GRID2: variants seen among roughly 807,000 people sequenced by gnomAD.
GRID2 encodes glutamate receptor ionotropic, delta-2.
In GRID2, 33 loss-of-function variants were observed where a neutral mutation model predicts 114.8. That is an observed-to-expected ratio of 0.29 (90% CI 0.22 to 0.38). The LOEUF (loss-of-function observed/expected upper bound fraction) is 0.38, where lower values mean the gene tolerates loss of function less well. Ranked by LOEUF, GRID2 falls within the 10% of genes least tolerant of loss-of-function variation. GRID2 has a pLI of 1.00. For missense variants in GRID2, 1,184 were observed against 1,257.7 expected (o/e 0.94, Z 0.89); for synonymous variants, 505 against 449.9 (o/e 1.12, Z -1.55).
intron 2 of GRID2, among the ~76,000 whole-genome samples, chr4:92,919,521 G>A (rs1317984287): frequency 1.3e-5 from 2 of 152,120 alleles, no homozygotes; most frequent in South Asian, 2.1e-4. Context: ...ACACTGCTTT[G>A]AATGTGTCCC....
intron 1 of GRID2, among the ~76,000 whole-genome samples, chr4:92,509,467 G>T (rs1395844884): frequency 6.6e-6 from 1 of 151,834 alleles, no homozygotes; most frequent in Non-Finnish European, 1.5e-5. Context: ...CCTACTAAAT[G>T]CACTGAGGCA....
chr4:92,908,564 A>C (rs1748131633), intron 2 of GRID2, among the ~76,000 whole-genome samples: 1 of 150,584 alleles, frequency 6.6e-6, no homozygotes, highest in Admixed American at 6.6e-5. Flanking sequence ...TCCATCTCAA[A>C]AAAAAAAAAA....
chr4:92,661,901 G>T (rs1008908141), intron 2 of GRID2, among the ~76,000 whole-genome samples: 1 of 151,108 alleles, frequency 6.6e-6, no homozygotes, highest in African/African-American at 2.4e-5. Flanking sequence ...TTTAGTCAAT[G>T]AGCTTAATTT....
chr4:93,600,889 G>T (rs922921697), intron 13 of GRID2, among the ~76,000 whole-genome samples: 3 of 152,136 alleles, frequency 2.0e-5, no homozygotes, highest in African/African-American at 7.2e-5. Context: ...GAAAAGCATT[G>T]TGCTGTTCAA....
chr4:92,419,571 G>C (rs537630110), intron 1 of GRID2, among the ~76,000 whole-genome samples: 1 of 152,202 alleles, frequency 6.6e-6, no homozygotes, highest in Non-Finnish European at 1.5e-5. Flanking sequence ...GTCTTGTTAG[G>C]TGATTGGGCA....
chr4:93,446,265 C>A (rs912061287), intron 10 of GRID2, among the ~76,000 whole-genome samples: 1 of 152,000 alleles, frequency 6.6e-6, no homozygotes. Flanking sequence ...ATTGTGCCAG[C>A]CCTCCAATGC....
At chr4:92,705,250 CTAATA>C (rs1734900400) in intron 2 of GRID2, among the ~76,000 whole-genome samples, 1 of 152,080 alleles carries the variant, frequency 6.6e-6, no homozygotes. Context: ...AAAGAAGCAG[CTAATA>C]TAATCTATTT....
chr4:92,626,544 C>T (rs985873839), intron 2 of GRID2, among the ~76,000 whole-genome samples: 1 of 151,966 alleles, frequency 6.6e-6, no homozygotes, highest in Non-Finnish European at 1.5e-5. Flanking sequence ...AAAATCTCTT[C>T]TGAGAATTTA....
chr4:92,992,805 G>A (rs1754985955), intron 2 of GRID2, among the ~76,000 whole-genome samples: 1 of 152,054 alleles, frequency 6.6e-6, no homozygotes, highest in Admixed American at 6.6e-5. Flanking sequence ...ACTTATATTT[G>A]AGATGCCTTT....
intron 5 of GRID2, among the ~76,000 whole-genome samples, chr4:93,211,375 C>T (rs1165872748): frequency 6.6e-6 from 1 of 151,812 alleles, no homozygotes; most frequent in Non-Finnish European, 1.5e-5. Context: ...CATTATGATT[C>T]ATGTTTTTAA....
chr4:93,007,277 T>C (rs1326722866), intron 2 of GRID2, among the ~76,000 whole-genome samples: 1 of 152,036 alleles, frequency 6.6e-6, no homozygotes, highest in African/African-American at 2.4e-5. Context: ...CAGCCACATG[T>C]TGAAAAGTCA....
intron 14 of GRID2, among the ~76,000 whole-genome samples, chr4:93,726,847 C>A (rs995490284): frequency 6.6e-6 from 1 of 152,156 alleles, no homozygotes; most frequent in South Asian, 2.1e-4. Context: ...TATCCTGAGA[C>A]TTTGCTGAAA....
intron 1 of GRID2, among the ~76,000 whole-genome samples, chr4:92,556,018 A>T (rs932297054): frequency 6.6e-6 from 1 of 151,994 alleles, no homozygotes; most frequent in African/African-American, 2.4e-5. Flanking sequence ...ACCCATGACA[A>T]TGGGCCCTGA....
chr4:92,354,206 A>G (rs1014004479), intron 1 of GRID2, among the ~76,000 whole-genome samples: 8 of 152,066 alleles, frequency 5.3e-5, no homozygotes, highest in Admixed American at 1.3e-4. Flanking sequence ...CCAACCATCA[A>G]TGAGTGGGGC....
chr4:93,311,313 A>G (rs1028805837), intron 8 of GRID2, among the ~76,000 whole-genome samples: 2 of 152,184 alleles, frequency 1.3e-5, no homozygotes, highest in Non-Finnish European at 2.9e-5. Flanking sequence ...TGTAGGTTGC[A>G]GGTCTGCTTG....
At chr4:92,422,178 A>T (rs1300032156) in intron 1 of GRID2, among the ~76,000 whole-genome samples, 1 of 152,072 alleles carries the variant, frequency 6.6e-6, no homozygotes, top group Non-Finnish European at 1.5e-5. Flanking sequence ...ACAGATCAGT[A>T]CTGGCAGAGG....
intron 8 of GRID2, among the ~76,000 whole-genome samples, chr4:93,286,035 T>C (rs1170446511): frequency 6.6e-6 from 1 of 152,084 alleles, no homozygotes; most frequent in African/African-American, 2.4e-5. Context: ...CCTACATGTA[T>C]CAAATTTTCA....
At chr4:92,645,191 T>G (rs1336237924) in intron 2 of GRID2, among the ~76,000 whole-genome samples, 1 of 151,586 alleles carries the variant, frequency 6.6e-6, no homozygotes. Context: ...CAAATAAAAT[T>G]TTCATATTGT....
At chr4:92,801,949 G>A (rs975637366) in intron 2 of GRID2, among the ~76,000 whole-genome samples, 1 of 151,656 alleles carries the variant, frequency 6.6e-6, no homozygotes, top group African/African-American at 2.4e-5. Flanking sequence ...CATCTCTGGT[G>A]GCCATGACCA....
Sources: gnomAD v4.1 joint callset for allele counts (sites outside exome capture counted in the v4.1 genomes callset) on GRCh38, gnomAD v4.1.1 for gene constraint, MANE v1.5 for transcripts, NCBI Gene and HGNC (gene_info 2026-07-23, HGNC 2026-07-21) for gene names.